Variants in BLTP3A observed in about 807,000 individuals in gnomAD.
The protein encoded by BLTP3A is ICBP90 binding protein 1.
the BLTP3A span, among the ~76,000 whole-genome samples, chr6:34,820,145 T>G: frequency 6.6e-6 from 1 of 152,146 alleles, no homozygotes; most frequent in Non-Finnish European, 1.5e-5. Flanking sequence ...AGCTCCCTCT[T>G]CTGTTATTTC....
chr6:34,856,761 A>C, the BLTP3A span: 1 of 1,606,066 alleles, frequency 6.2e-7, no homozygotes, highest in Non-Finnish European at 8.5e-7. Context: ...AATGTATCTG[A>C]TTCTTTTTCC....
chr6:34,834,232 C>T, the BLTP3A span: 20 of 1,613,590 alleles, frequency 1.2e-5, no homozygotes, highest in African/African-American at 6.7e-5. Flanking sequence ...ATGGCTTTGC[C>T]GAAAAGGTGG....
At chr6:34,824,109 T>A in the BLTP3A span, among the ~76,000 whole-genome samples, 1 of 151,902 alleles carries the variant, frequency 6.6e-6, no homozygotes, top group Non-Finnish European at 1.5e-5. Flanking sequence ...ACCTGGCCAA[T>A]TTTTTGTAGT....
chr6:34,867,374 C>T, the BLTP3A span: 14 of 1,613,970 alleles, frequency 8.7e-6, no homozygotes, highest in Admixed American at 2.0e-4. Context: ...CCTCATCTTT[C>T]ACCCGGTCAG....
chr6:34,845,819 G>C, the BLTP3A span, among the ~76,000 whole-genome samples: 1 of 151,842 alleles, frequency 6.6e-6, no homozygotes, highest in Non-Finnish European at 1.5e-5. Context: ...GGATGGTCTC[G>C]ATCTCCTGAC....
the BLTP3A span, chr6:34,859,631 G>A: frequency 6.3e-7 from 1 of 1,584,690 alleles, no homozygotes; most frequent in East Asian, 2.2e-5. Flanking sequence ...CTGATCATTG[G>A]GTTTAAGGCC....
At chr6:34,846,959 G>A in the BLTP3A span, among the ~76,000 whole-genome samples, 1 of 152,098 alleles carries the variant, frequency 6.6e-6, no homozygotes, top group Admixed American at 6.6e-5. Context: ...TTTTTTGAAG[G>A]TTTTTGTCAT....
chr6:34,839,635 C>T, the BLTP3A span, among the ~76,000 whole-genome samples: 37 of 152,314 alleles, frequency 2.4e-4, no homozygotes, highest in African/African-American at 7.5e-4. Flanking sequence ...AAAGAACACT[C>T]GGTCGGTGGG....
chr6:34,877,357 C>T, the BLTP3A span: 1 of 152,634 alleles, frequency 6.6e-6, no homozygotes, highest in African/African-American at 2.4e-5. Context: ...AAGGTCACTT[C>T]ATTCACCTCT....
chr6:34,846,179 C>T, the BLTP3A span, among the ~76,000 whole-genome samples: 2 of 140,902 alleles, frequency 1.4e-5, no homozygotes, highest in Non-Finnish European at 3.0e-5. Context: ...GAGCCTTGCT[C>T]TGTCACCCAG....
the BLTP3A span, among the ~76,000 whole-genome samples, chr6:34,803,368 TACTC>T: frequency 6.6e-6 from 1 of 152,152 alleles, no homozygotes; most frequent in East Asian, 1.9e-4. Flanking sequence ...ATATGTCTCT[TACTC>T]ACCTCTGGAG....
At chr6:34,861,691 T>A in the BLTP3A span, among the ~76,000 whole-genome samples, 1 of 152,268 alleles carries the variant, frequency 6.6e-6, no homozygotes, top group Non-Finnish European at 1.5e-5. Context: ...TGCTGCTTTA[T>A]TCACTCAATG....
the BLTP3A span, among the ~76,000 whole-genome samples, chr6:34,816,189 AATGTC>A: frequency 6.6e-6 from 1 of 152,240 alleles, no homozygotes; most frequent in Admixed American, 6.5e-5. Context: ...TCACTCAGAG[AATGTC>A]AGTGCTAGCT....
At chr6:34,806,924 T>C in the BLTP3A span, among the ~76,000 whole-genome samples, 3 of 152,198 alleles carry the variant, frequency 2.0e-5, no homozygotes, top group Non-Finnish European at 4.4e-5. Flanking sequence ...CCTCCCAAAG[T>C]GCTGAGATTA....
chr6:34,818,117 C>T, the BLTP3A span, among the ~76,000 whole-genome samples: 5 of 152,142 alleles, frequency 3.3e-5, no homozygotes, highest in African/African-American at 9.7e-5. Context: ...CTTGGCCTCC[C>T]AAAGTGCTGG....
At chr6:34,828,235 G>A in the BLTP3A span, among the ~76,000 whole-genome samples, 1 of 151,692 alleles carries the variant, frequency 6.6e-6, no homozygotes, top group South Asian at 2.1e-4. Flanking sequence ...GGCAGATCAC[G>A]AGGTCAGGAG....
At chr6:34,829,790 G>A in the BLTP3A span, among the ~76,000 whole-genome samples, 1 of 151,376 alleles carries the variant, frequency 6.6e-6, no homozygotes, top group Non-Finnish European at 1.5e-5. Context: ...GTGTGCCACT[G>A]CTACCATACC....
chr6:34,857,457 T>C, the BLTP3A span: 1 of 1,614,002 alleles, frequency 6.2e-7, no homozygotes, highest in Admixed American at 1.7e-5. Context: ...TCCCAGATAA[T>C]CAGGAGCTTC....
the BLTP3A span, among the ~76,000 whole-genome samples, chr6:34,810,311 C>T: frequency 6.6e-6 from 1 of 152,186 alleles, no homozygotes; most frequent in African/African-American, 2.4e-5. Context: ...CACTTTTTTA[C>T]TGCAATATGC....
Sources: allele counts gnomAD v4.1 joint callset (sites outside exome capture counted in the v4.1 genomes callset), GRCh38; gene constraint gnomAD v4.1.1; transcripts MANE v1.5; gene names NCBI Gene and HGNC (gene_info 2026-07-23, HGNC 2026-07-21).